Variants in DDR2 observed in about 807,000 individuals in gnomAD.
DDR2 encodes the protein discoidin domain receptor tyrosine kinase 2.
Under a neutral mutation model 94.9 loss-of-function variants are expected in DDR2, and 27 were observed. That is an observed-to-expected ratio of 0.28 (90% CI 0.21 to 0.39). The LOEUF (loss-of-function observed/expected upper bound fraction) is 0.39, where lower values mean the gene tolerates loss of function less well. DDR2 is among the 10% of genes least tolerant of loss of function. The pLI is 1.00. For missense variants in DDR2, 783 were observed against 1,076.0 expected (o/e 0.73, Z 3.81); for synonymous variants, 382 against 377.2 (o/e 1.01, Z -0.15).
Position 162,686,073 on chromosome 1 carries a change from A to C in DDR2, c.-28+30699A>C, listed in dbSNP as rs555191731. Among the ~76,000 whole-genome samples, 3 of 152,300 alleles carry C rather than the reference A, an allele frequency of 2.0e-5. No homozygotes were observed. In the South Asian group the frequency reaches 6.2e-4, roughly 32 times the overall value. ...TATAGGTTCTGAATAGATATTTATC[A>C]TTCTTGCAGTGGCTTGATCTTGGCT... On this transcript the variant is annotated intron_variant, in intron 2 of 17. Coordinates refer to ENST00000367921, the MANE Select transcript of DDR2 (RefSeq NM_006182.4).
rs1383417817 is a variant in DDR2, at chr1:162,780,408, G to A, written c.*162G>A. On this transcript the variant is annotated 3_prime_UTR_variant, in exon 18 of 18. Transcript: ENST00000367921. ...CTGGTCACCCCCACTCCCTACCCCT[G>A]ACTCATATACACTTTTTTTTTTTTT... 3.7e-6 allele frequency: 3 copies of A among 800,238 alleles called. No individual in the cohort carries two copies. Among genetic ancestry groups the A allele is most frequent in the South Asian group, 2.0e-5 (1 of 49,028 alleles). 49.6% of individuals were successfully genotyped at this position (800,238 alleles called of 1,614,324 possible). A position where few individuals can be genotyped will look rare whatever the true frequency, so the allele number is the denominator to read the frequency against.
chr1:162,719,595 C>G (rs755782848), intron 3 of DDR2, among the ~76,000 whole-genome samples: 54 of 152,128 alleles, frequency 3.5e-4, no homozygotes, highest in Admixed American at 3.0e-3. Context: ...GGCAGGTTCT[C>G]TTTCCTCTAG....
At chr1:162,678,206 GT>G (rs1659229387) in intron 2 of DDR2, among the ~76,000 whole-genome samples, 1 of 152,038 alleles carries the variant, frequency 6.6e-6, no homozygotes, top group Admixed American at 6.6e-5. Context: ...TTATCTACTA[GT>G]TACCTACCTC....
rs1234916395 is a variant in DDR2, at chr1:162,766,887, C to T, written c.1163-342C>T. 5.9e-5 allele frequency among the ~76,000 whole-genome samples: 9 copies of T among 151,854 alleles called. No individual in the cohort carries two copies. In the East Asian group the frequency reaches 1.7e-3, roughly 29 times the overall value. On this transcript the variant is annotated intron_variant, in intron 10 of 17. Coordinates refer to ENST00000367921, the MANE Select transcript of DDR2 (RefSeq NM_006182.4). ...TCTCTACTAAAGATACAAAAATTAG[C>T]CGGGCGTAGTGGCGCATGCCTGTAA... is the stretch of plus-strand genomic sequence containing the variant.
chr1:162,652,099 C>G (rs934007452), intron 1 of DDR2, among the ~76,000 whole-genome samples: 7 of 152,230 alleles, frequency 4.6e-5, no homozygotes, highest in Admixed American at 3.9e-4. Context: ...CTGACTCTGC[C>G]CTTGTTGGGG....
intron 2 of DDR2, among the ~76,000 whole-genome samples, chr1:162,713,522 T>C (rs909216823): frequency 1.3e-5 from 2 of 152,222 alleles, no homozygotes; most frequent in Non-Finnish European, 1.5e-5. Context: ...GCTGTCAGCA[T>C]GGTGTTTAAT....
chr1:162,777,448 C>T (rs1254605440), intron 16 of DDR2, among the ~76,000 whole-genome samples: 1 of 146,452 alleles, frequency 6.8e-6, no homozygotes, highest in Non-Finnish European at 1.5e-5. Flanking sequence ...TTCCAATTTC[C>T]TGCTATTATG....
In DDR2 at chr1:162,761,183, ATCAC is replaced by A. The variant is rs779587689; in HGVS notation, c.856-23_856-20del. 3.1e-6 allele frequency: 5 copies of A among 1,613,560 alleles called. No homozygotes were observed. The South Asian group carries it at 3.3e-5, about 11-fold the overall frequency. Reference sequence around the variant, plus strand: ...CCATGCACCTTAGCAGGGCCAACCTATCACTCACATGCCTCTTTCTCTACCAGGT... The same window carrying A: ...CCATGCACCTTAGCAGGGCCAACCTATCACATGCCTCTTTCTCTACCAGGT... On this transcript the variant is annotated intron_variant, in intron 8 of 17. Transcript: ENST00000367921.
intron 10 of DDR2, 63 bp downstream of exon 10, chr1:162,766,126 T>C: frequency 1.3e-6 from 2 of 1,573,106 alleles, no homozygotes; most frequent in Admixed American, 1.7e-5. Flanking sequence ...TGAAGAAGGG[T>C]GGAGAGTTGC....
At chr1:162,778,764 G>A (rs1490499247) in intron 17 of DDR2, 35 bp downstream of exon 17, 2 of 1,613,370 alleles carry the variant, frequency 1.2e-6, no homozygotes, top group Non-Finnish European at 1.7e-6. Flanking sequence ...ATGTGGACCT[G>A]TGTACCTTGA....
upstream of DDR2, chr1:162,631,407 A>G (rs1046710115): frequency 6.6e-6 from 1 of 152,230 alleles, no homozygotes; most frequent in Non-Finnish European, 1.5e-5. Context: ...TCCAGAGCTC[A>G]GAGAAAGGAG....
rs1663295489 is a variant in DDR2 at position 162,753,112 on chromosome 1, C to A, written c.100C>A (p.Leu34Met). Reference protein sequence around the residue: ...QVNPAICRYPLGMSGGQIPDE... With the variant: ...QVNPAICRYPMGMSGGQIPDE... ...TGGTCTAGCTATATGCCGCTATCCT[C>A]TGGGCATGTCAGGAGGCCAGATTCC... The change falls in exon 4 of 18, where the codon CTG (leucine) becomes ATG (methionine). Residue 34 changes from leucine to methionine, a missense_variant. Leu to Met is a conservative substitution (Grantham distance 15). Coordinates refer to ENST00000367921, the MANE Select transcript of DDR2 (RefSeq NM_006182.4). The A allele has an allele frequency of 1.9e-6, 3 of 1,613,648 alleles. No homozygotes were observed. Among genetic ancestry groups the A allele is most frequent in the Non-Finnish European group, 1.7e-6 (2 of 1,179,712 alleles).
intron 3 of DDR2, among the ~76,000 whole-genome samples, chr1:162,746,086 C>A (rs1056100318): frequency 1.3e-5 from 2 of 152,192 alleles, no homozygotes; most frequent in Admixed American, 6.5e-5. Context: ...TTCTGCATTT[C>A]CAGCTGAGGT....
chr1:162,717,655 G>C (rs1193756902), intron 2 of DDR2, among the ~76,000 whole-genome samples: 1 of 152,098 alleles, frequency 6.6e-6, no homozygotes, highest in African/African-American at 2.4e-5. Context: ...TACTCATCAG[G>C]AACTTTATAG....
intron 3 of DDR2, among the ~76,000 whole-genome samples, chr1:162,734,058 T>A (rs1406063142): frequency 2.0e-5 from 3 of 152,234 alleles, no homozygotes; most frequent in Non-Finnish European, 4.4e-5. Flanking sequence ...GACAAATTAT[T>A]TTATCTGTCT....
chr1:162,729,978 G>T (rs1253849934), intron 3 of DDR2, among the ~76,000 whole-genome samples: 7 of 150,214 alleles, frequency 4.7e-5, no homozygotes. Context: ...CCCGACCTCA[G>T]GTGATCCACC....
intron 6 of DDR2, 120 bp downstream of exon 6, chr1:162,755,423 G>T: frequency 7.5e-7 from 1 of 1,337,858 alleles, no homozygotes; most frequent in Non-Finnish European, 1.0e-6. Context: ...ATGCCCTCTT[G>T]GGAAGAATAG....
At chr1:162,669,778 G>A (rs1053336777) in intron 2 of DDR2, among the ~76,000 whole-genome samples, 1 of 152,152 alleles carries the variant, frequency 6.6e-6, no homozygotes, top group Non-Finnish European at 1.5e-5. Context: ...GGCTTGAAAT[G>A]TTCTACATAT....
intron 2 of DDR2, among the ~76,000 whole-genome samples, chr1:162,657,858 C>T (rs573356630): frequency 2.6e-5 from 4 of 151,996 alleles, no homozygotes; most frequent in Non-Finnish European, 5.9e-5. Context: ...AGTCTGCTCC[C>T]TTCTCTTTTT....
Sources: allele counts gnomAD v4.1 joint callset (sites outside exome capture counted in the v4.1 genomes callset), GRCh38; gene constraint gnomAD v4.1.1; transcripts MANE v1.5; gene names NCBI Gene and HGNC (gene_info 2026-07-23, HGNC 2026-07-21).